The following DPP6 variants were observed in gnomAD, a reference collection of about 807,000 sequenced individuals.
DPP6 encodes dipeptidyl peptidase like 6.
A neutral mutation model predicts 122.6 loss-of-function variants in DPP6; 69 were observed. The ratio of observed to expected loss-of-function variants is 0.56; its 90% confidence interval spans 0.46 to 0.69. DPP6 has a LOEUF of 0.69. Among genes scored for constraint, DPP6 ranks in the 30% least tolerant of loss-of-function variants. The pLI is 0.00. For missense variants in DPP6, 928 were observed against 1,116.9 expected, an observed-to-expected ratio of 0.83 and a Z score of 2.41; for synonymous variants, 418 against 433.1, an observed-to-expected ratio of 0.97 and a Z score of 0.43.
chr7:154,681,202 G>C (rs757583955), intron 7 of DPP6, among the ~76,000 whole-genome samples: 5 of 152,130 alleles, frequency 3.3e-5, no homozygotes, highest in Non-Finnish European at 7.3e-5. Flanking sequence ...GCTTGCCCAC[G>C]TTGGCCGGTG....
chr7:154,172,610 T>C (rs565510752), intron 1 of DPP6, among the ~76,000 whole-genome samples: 2 of 148,422 alleles, frequency 1.3e-5, no homozygotes, highest in South Asian at 2.1e-4. Context: ...TTTTTCTTTT[T>C]TTTTTTTTTT....
At chr7:153,808,104 G>A in the DPP6 span, among the ~76,000 whole-genome samples, 1 of 152,080 alleles carries the variant, frequency 6.6e-6, no homozygotes, top group Admixed American at 6.5e-5. Flanking sequence ...TAGGGTGAGC[G>A]ATATGGTGTT....
chr7:154,805,726 A>G (rs553114601), intron 15 of DPP6, among the ~76,000 whole-genome samples: 38 of 152,234 alleles, frequency 2.5e-4, no homozygotes, highest in African/African-American at 8.9e-4. Context: ...TAGTCCTGTC[A>G]TCTGCCCAGT....
At chr7:154,256,992 C>T (rs1802696763) in intron 1 of DPP6, among the ~76,000 whole-genome samples, 3 of 129,930 alleles carry the variant, frequency 2.3e-5, no homozygotes, top group South Asian at 2.2e-4. Context: ...TCTTTTTCTT[C>T]TTCTTCTTTT....
intron 1 of DPP6, among the ~76,000 whole-genome samples, chr7:153,895,083 T>A (rs913676234): frequency 6.6e-6 from 1 of 152,180 alleles, no homozygotes; most frequent in Non-Finnish European, 1.5e-5. Flanking sequence ...AGACTGAATT[T>A]GGGGAAAAAC....
At chr7:153,786,573 C>T in the DPP6 span, among the ~76,000 whole-genome samples, 1 of 151,100 alleles carries the variant, frequency 6.6e-6, no homozygotes, top group Non-Finnish European at 1.5e-5. Context: ...CCCGTCTCTA[C>T]TGAAAATACA....
chr7:153,809,098 T>C, the DPP6 span, among the ~76,000 whole-genome samples: 1 of 152,130 alleles, frequency 6.6e-6, no homozygotes, highest in Non-Finnish European at 1.5e-5. Context: ...TCCTAACGGG[T>C]GAAGTGATGT....
chr7:153,822,452 C>T, the DPP6 span, among the ~76,000 whole-genome samples: 1 of 151,970 alleles, frequency 6.6e-6, no homozygotes, highest in Non-Finnish European at 1.5e-5. Context: ...CGGCCTCCCA[C>T]AGTGCTGGGA....
intron 1 of DPP6, among the ~76,000 whole-genome samples, chr7:153,910,081 C>T (rs1354050635): frequency 3.3e-5 from 5 of 152,002 alleles, no homozygotes; most frequent in East Asian, 3.9e-4. Context: ...TGTGATGCTC[C>T]GTGAATGTAA....
chr7:153,757,699 T>C, the DPP6 span, among the ~76,000 whole-genome samples: 2 of 152,174 alleles, frequency 1.3e-5, no homozygotes, highest in African/African-American at 4.8e-5. Context: ...GGTTCACACA[T>C]GTAATCCTAG....
At chr7:154,883,292 A>G (rs1805586731) in intron 21 of DPP6, among the ~76,000 whole-genome samples, 1 of 134,138 alleles carries the variant, frequency 7.5e-6, no homozygotes, top group African/African-American at 3.0e-5. Flanking sequence ...ACACATACAC[A>G]CACATGCTCA....
At chr7:153,807,693 G>A in the DPP6 span, among the ~76,000 whole-genome samples, 3 of 151,800 alleles carry the variant, frequency 2.0e-5, no homozygotes, top group Admixed American at 2.0e-4. Context: ...CTGAGCATGG[G>A]TTCCAATCTG....
chr7:154,366,348 TA>T (rs1159041057), intron 1 of DPP6, among the ~76,000 whole-genome samples: 1 of 152,174 alleles, frequency 6.6e-6, no homozygotes, highest in Non-Finnish European at 1.5e-5. Context: ...TACAACCAAA[TA>T]CCCCTCCCAT....
intron 1 of DPP6, among the ~76,000 whole-genome samples, chr7:154,023,569 C>T (rs1798822196): frequency 6.6e-6 from 1 of 151,608 alleles, no homozygotes; most frequent in African/African-American, 2.4e-5. Flanking sequence ...GCAACCTCCG[C>T]CTCCTGGGTT....
intron 1 of DPP6, among the ~76,000 whole-genome samples, chr7:154,075,232 G>A (rs888137554): frequency 1.3e-4 from 19 of 151,964 alleles, no homozygotes; most frequent in African/African-American, 4.6e-4. Context: ...TAACCACTAT[G>A]GAAAACAGTG....
At position 154,222,398 on chromosome 7, in the gene DPP6, G is replaced by A. The variant is rs149582993; in HGVS notation, c.243+169335G>A. On this transcript the variant is annotated intron_variant, in intron 1 of 25. Coordinates refer to ENST00000377770, the MANE Select transcript of DPP6 (RefSeq NM_130797.4). Reference sequence around the variant, plus strand: ...TAGCCAGGCGCAGTGGCTCACGCCTGTAATCCCAGCACTTTGGGAGGCCGA... The same window carrying A: ...TAGCCAGGCGCAGTGGCTCACGCCTATAATCCCAGCACTTTGGGAGGCCGA... 4.4e-3 allele frequency among the ~76,000 whole-genome samples: 669 copies of A among 152,174 alleles called. 11 individuals carry two copies. The highest frequency in any genetic ancestry group is 0.015 in the African/African-American group (636 of 41,442).
At chr7:154,043,533 A>G (rs1204911476) in intron 1 of DPP6, among the ~76,000 whole-genome samples, 3 of 144,782 alleles carry the variant, frequency 2.1e-5, no homozygotes, top group Admixed American at 7.3e-5. Context: ...CTTGTGTTTT[A>G]TCTTGGAATA....
At chr7:154,166,875 CACTCTA>C (rs1797278690) in intron 1 of DPP6, among the ~76,000 whole-genome samples, 1 of 148,614 alleles carries the variant, frequency 6.7e-6, no homozygotes, top group Non-Finnish European at 1.5e-5. Flanking sequence ...TGCATCACTA[CACTCTA>C]GCCTGAGCGA....
At chr7:154,572,927 G>A (rs572965013) in intron 5 of DPP6, among the ~76,000 whole-genome samples, 22 of 151,686 alleles carry the variant, frequency 1.5e-4, no homozygotes, top group African/African-American at 2.9e-4. Context: ...TGATCCACCC[G>A]CCTCGGCCTC....
Sources: allele counts gnomAD v4.1 joint callset (sites outside exome capture counted in the v4.1 genomes callset), GRCh38; gene constraint gnomAD v4.1.1; transcripts MANE v1.5; gene names NCBI Gene and HGNC (gene_info 2026-07-23, HGNC 2026-07-21).